Variants in CYLD observed in about 807,000 individuals in gnomAD.
CYLD encodes the protein CYLD lysine 63 deubiquitinase, also known as ubiquitin carboxyl-terminal hydrolase CYLD.
CYLD carries 26 observed loss-of-function variants against 104.5 expected under a neutral mutation model. The ratio of observed to expected loss-of-function variants is 0.25; its 90% CI spans 0.18 to 0.35. The LOEUF (loss-of-function observed/expected upper bound fraction) is 0.35. CYLD is among the 10% of genes least tolerant of loss of function. The pLI, the probability that CYLD is intolerant of heterozygous loss-of-function variation, is 1.00. For synonymous variants in CYLD, 385 were observed against 399.9 expected (o/e 0.96, Z 0.45); for missense variants, 703 against 1,136.1 (o/e 0.62, Z 5.48).
chr16:50,791,748 T>C (rs1221590553), intron 15 of CYLD, 58 bp downstream of exon 15: 3 of 1,577,578 alleles, frequency 1.9e-6, no homozygotes, highest in Non-Finnish European at 2.6e-6. Flanking sequence ...CTTAAGACTA[T>C]TGGTAGTTTC....
chr16:50,784,795 C>A, intron 12 of CYLD: 1 of 267,418 alleles, frequency 3.7e-6, no homozygotes, highest in Non-Finnish European at 7.3e-6. Context: ...ACTTCTGCTA[C>A]AAGTAATCAT....
intron 5 of CYLD, among the ~76,000 whole-genome samples, chr16:50,756,659 C>T (rs1200086033): frequency 1.3e-5 from 2 of 152,182 alleles, no homozygotes; most frequent in African/African-American, 4.8e-5. Flanking sequence ...GATGGTGATT[C>T]TCATTGAGCA....
intron 5 of CYLD, among the ~76,000 whole-genome samples, chr16:50,764,680 A>AAAAT (rs1352451662): frequency 6.6e-6 from 1 of 152,130 alleles, no homozygotes; most frequent in African/African-American, 2.4e-5. Context: ...TTTAGGTCTA[A>AAAAT]GCCCGTAGTT....
At chr16:50,775,066 GAA>G in intron 5 of CYLD, 98 bp from the exon 6 acceptor site, 1 of 965,128 alleles carries the variant, frequency 1.0e-6, no homozygotes, top group Non-Finnish European at 1.6e-6. Flanking sequence ...CTTTTTTTAA[GAA>G]AAGTCTTTTC....
At chr16:50,745,362 G>GTTTTTTTTTTT (rs535675323) in intron 2 of CYLD, among the ~76,000 whole-genome samples, 3 of 78,754 alleles carry the variant, frequency 3.8e-5, no homozygotes, top group African/African-American at 5.4e-5. Context: ...TTTCCTCTTT[G>GTTTTTTTTTTT]TTTTTTTTTT....
intron 5 of CYLD, among the ~76,000 whole-genome samples, chr16:50,770,848 A>G (rs749084004): frequency 6.6e-6 from 1 of 152,128 alleles, no homozygotes; most frequent in African/African-American, 2.4e-5. Context: ...AGAAGTCTTT[A>G]TGTATTCTAG....
chr16:50,751,568 T>C (rs1966622173), intron 3 of CYLD, 36 bp from the exon 4 acceptor site: 2 of 1,602,466 alleles, frequency 1.2e-6, no homozygotes, highest in Admixed American at 1.7e-5. Context: ...ATCGTCTTTC[T>C]ATATCTATTT....
chr16:50,766,384 A>G (rs141503747), intron 5 of CYLD, among the ~76,000 whole-genome samples: 1 of 152,338 alleles, frequency 6.6e-6, no homozygotes, highest in African/African-American at 2.4e-5. Context: ...TCAAAACATT[A>G]CTGTTCATTG....
At position 50,750,126 on chromosome 16, in the gene CYLD, C is replaced by T. The variant is rs754799573; in HGVS notation, c.428C>T (p.Pro143Leu). 8 of 1,614,100 alleles carry T rather than the reference C, an allele frequency of 5.0e-6. No homozygotes were observed. The highest frequency in any genetic ancestry group is 6.8e-6 in the Non-Finnish European group (8 of 1,179,986). ...CTGAGATCTGGGGAAGAAAAATTTC[C>T]TGGAGTTGTACGCTTCAGAGGACCC... The part of the protein sequence containing the change: ...VQLRSGEEKF[P>L]GVVRFRGPLL... The change falls in exon 3 of 19, where the codon CCT becomes CTT. Residue 143 changes from proline (P) to leucine (L), a missense_variant. Physicochemically the swap from Pro to Leu is moderately conservative, Grantham distance 98. Around this residue, in one of 5 missense-constraint regions of CYLD, gnomAD observed 142 missense variants for 165.1 expected, o/e 0.86. Coordinates refer to ENST00000427738, the MANE Select transcript of CYLD (RefSeq NM_001378743.1).
chr16:50,742,695 G>A, intron 1 of CYLD, 67 bp from the exon 2 acceptor site: 1 of 397,986 alleles, frequency 2.5e-6, no homozygotes, highest in Admixed American at 4.4e-5. Context: ...GGTGTTGGTG[G>A]CTCCCGTCCA....
intron 2 of CYLD, among the ~76,000 whole-genome samples, chr16:50,748,504 C>T (rs917663308): frequency 3.3e-5 from 5 of 151,766 alleles, no homozygotes; most frequent in Admixed American, 1.3e-4. Context: ...GCTATGATCG[C>T]ACCAATGTAC....
chr16:50,780,204 C>T (rs527695677), intron 9 of CYLD, among the ~76,000 whole-genome samples, 160 bp downstream of exon 9: 1 of 152,262 alleles, frequency 6.6e-6, no homozygotes, highest in South Asian at 2.1e-4. Flanking sequence ...CTTTGCCGCC[C>T]CTGAAGCTTG....
At chr16:50,761,686 G>T (rs937313438) in intron 5 of CYLD, among the ~76,000 whole-genome samples, 33 of 152,028 alleles carry the variant, frequency 2.2e-4, no homozygotes, top group African/African-American at 7.0e-4. Context: ...TTACTGTAAG[G>T]TTATAAAGGA....
At chr16:50,771,108 A>G (rs1294406857) in intron 5 of CYLD, among the ~76,000 whole-genome samples, 1 of 152,180 alleles carries the variant, frequency 6.6e-6, no homozygotes, top group East Asian at 1.9e-4. Flanking sequence ...AACCCTCACC[A>G]CTATCCAGTT....
chr16:50,776,229 G>T lies in CYLD; in HGVS notation c.973G>T (p.Gly325Cys), dbSNP rs1261828777. 6.2e-7 allele frequency: 1 copy of T among 1,613,644 alleles called. No individual in the cohort carries two copies. Among genetic ancestry groups the T allele is most frequent in the Non-Finnish European group, 8.5e-7 (1 of 1,179,702 alleles). The change falls in exon 7 of 19, where the codon GGT becomes TGT. Residue 325 changes from glycine to cysteine, a missense_variant. Around this residue, in one of 5 missense-constraint regions of CYLD, gnomAD observed 183 missense variants for 212.1 expected, o/e 0.86. Coordinates refer to ENST00000427738, the MANE Select transcript of CYLD (RefSeq NM_001378743.1). Reference protein sequence around the residue: ...RPPKLAFMSRGVGDKGSSSHN... With the variant: ...RPPKLAFMSRCVGDKGSSSHN... ...TCCCAAACTTGCCTTTATGTCAAGA[G>T]GTGTTGGGGACAAAGGTTCATCCAG...
At chr16:50,751,555 T>C (rs1966618680) in intron 3 of CYLD, 49 bp from the exon 4 acceptor site, 1 of 1,572,638 alleles carries the variant, frequency 6.4e-7, no homozygotes. Context: ...CCTTTTCCTA[T>C]GGATCGTCTT....
rs374118770 is a variant in CYLD at position 50,751,668 on chromosome 16, A to T, written c.569A>T (p.Asp190Val). ...VYQGKQLFQCDEDCGVFVALD... is the reference protein window; with the variant it reads ...VYQGKQLFQCVEDCGVFVALD... The stretch of plus-strand genomic sequence containing the variant: ...CAAGGGAAACAGCTTTTTCAGTGTG[A>T]TGAAGATTGTGGCGTGTTTGTTGCA... The change falls in exon 4 of 19, where the codon GAT becomes GTT. Residue 190 changes from aspartate to valine, a missense_variant. This residue lies in a region of CYLD where 123 missense variants were observed against 213.3 expected (regional missense o/e 0.58). Transcript: ENST00000427738. The T allele has an allele frequency of 5.6e-6, 9 of 1,613,742 alleles. No individual in the cohort carries two copies. Among genetic ancestry groups the T allele is most frequent in the Non-Finnish European group, 7.6e-6 (9 of 1,179,832 alleles).
intron 5 of CYLD, 179 bp downstream of exon 5, chr16:50,754,603 G>A: frequency 1.8e-6 from 1 of 567,964 alleles, no homozygotes; most frequent in East Asian, 3.0e-5. Flanking sequence ...CGTACCCCAT[G>A]TGTAGTCTTT....
In CYLD at chr16:50,779,692, C is replaced by T. The variant is rs200759332; in HGVS notation, c.1166C>T (p.Thr389Ile). 6.2e-7 allele frequency: 1 copy of T among 1,613,934 alleles called. No individual in the cohort carries two copies. ...GCAGAAGACCCTGCAAAATCTCTTA[C>T]AGAGATATCTACAGACTTTGACCGT... is the stretch of plus-strand genomic sequence containing the variant. ...EVAEDPAKSL[T>I]EISTDFDRSS... The change falls in exon 9 of 19, where the codon ACA becomes ATA. Residue 389 changes from threonine (T) to isoleucine (I), a missense_variant. Coordinates refer to ENST00000427738, the MANE Select transcript of CYLD (RefSeq NM_001378743.1).
Sources: allele counts gnomAD v4.1 joint callset (sites outside exome capture counted in the v4.1 genomes callset), GRCh38; gene constraint gnomAD v4.1.1; regional missense constraint gnomAD v4.1.1; transcripts MANE v1.5; gene names NCBI Gene and HGNC (gene_info 2026-07-23, HGNC 2026-07-21).